OPCML: variants seen among roughly 807,000 people sequenced by gnomAD.
OPCML encodes opioid binding protein/cell adhesion molecule like, also known as opioid-binding protein/cell adhesion molecule.
OPCML carries 13 observed loss-of-function variants against 37.8 expected under a neutral mutation model. That is an observed-to-expected ratio of 0.34 (90% CI 0.22 to 0.55). OPCML has a LOEUF of 0.55. Ranked by LOEUF, OPCML falls within the 20% of genes least tolerant of loss-of-function variation. OPCML has a pLI of 0.91. For synonymous variants in OPCML, 176 were observed against 168.8 expected, an observed-to-expected ratio of 1.04 and a Z score of -0.33; for missense variants, 341 against 435.6, an observed-to-expected ratio of 0.78 and a Z score of 1.93.
chr11:132,879,884 T>C (rs760749103), intron 2 of OPCML, among the ~76,000 whole-genome samples: 9 of 152,216 alleles, frequency 5.9e-5, no homozygotes, highest in Non-Finnish European at 1.3e-4. Flanking sequence ...CATACCTTCT[T>C]TATGGTGACT....
chr11:132,885,131 A>G (rs140970713), intron 2 of OPCML, among the ~76,000 whole-genome samples: 3 of 152,370 alleles, frequency 2.0e-5, no homozygotes, highest in African/African-American at 7.2e-5. Flanking sequence ...AATGCCAGGT[A>G]TCTTCATATA....
intron 1 of OPCML, among the ~76,000 whole-genome samples, chr11:133,113,934 T>G (rs1949294127): frequency 6.6e-6 from 1 of 152,202 alleles, no homozygotes; most frequent in Non-Finnish European, 1.5e-5. Context: ...TGCAAGCTTT[T>G]TAGACCACCT....
chr11:133,500,993 G>T (rs926110182), intron 1 of OPCML, among the ~76,000 whole-genome samples: 1 of 152,034 alleles, frequency 6.6e-6, no homozygotes, highest in Non-Finnish European at 1.5e-5. Context: ...CAGGAGGCTT[G>T]GAGCTGAGAC....
At position 133,208,228 on chromosome 11, in the gene OPCML, A is replaced by G. The variant is rs1939191033; in HGVS notation, c.62-265218T>C. Among the ~76,000 whole-genome samples the G allele has an allele frequency of 1.3e-5, 2 of 152,222 alleles. No homozygotes were observed. Among genetic ancestry groups the G allele is most frequent in the African/African-American group, 2.4e-5 (1 of 41,464 alleles). ...ATCTCAAGCATTTAGCTTATTGCTT[A>G]GCACATTGTATTACATTGCATTGCA... is the stretch of plus-strand genomic sequence containing the variant. On this transcript the variant is annotated intron_variant, in intron 1 of 7. Coordinates refer to ENST00000524381, the MANE Select transcript of OPCML (RefSeq NM_001012393.5). The surrounding 1 kb of genome is among the most constrained non-coding windows in gnomAD (Gnocchi z 8.9).
At chr11:132,784,805 ATACC>A (rs1396534252) in intron 2 of OPCML, among the ~76,000 whole-genome samples, 2 of 152,104 alleles carry the variant, frequency 1.3e-5, no homozygotes, top group Non-Finnish European at 2.9e-5. Flanking sequence ...GCCATGTAAT[ATACC>A]TGCTCCTCCT....
chr11:132,553,732 G>A (rs946120250), intron 3 of OPCML, among the ~76,000 whole-genome samples: 6 of 152,156 alleles, frequency 3.9e-5, no homozygotes, highest in East Asian at 1.9e-4. Flanking sequence ...TCACTCATTC[G>A]GAACATCTCA....
Position 133,252,924 on chromosome 11 carries a change from G to A in OPCML, c.61+279340C>T, listed in dbSNP as rs1592142799. ...GCACTTTGGGAGGCCAAGGCGGGTG[G>A]ATCACAAGGTCGAGAGTTCGAGACC... On this transcript the variant is annotated intron_variant, in intron 1 of 7. Transcript: ENST00000524381. Among the ~76,000 whole-genome samples the A allele has an allele frequency of 2.6e-5, 4 of 152,086 alleles. No homozygotes were observed. In the East Asian group the frequency reaches 7.7e-4, roughly 29 times the overall value.
intron 1 of OPCML, among the ~76,000 whole-genome samples, chr11:133,117,252 C>T (rs565700508): frequency 7.9e-5 from 12 of 152,306 alleles, no homozygotes; most frequent in African/African-American, 2.9e-4. Context: ...GTTCATCCTG[C>T]AGACCCTAGA....
At position 133,002,571 on chromosome 11, in the gene OPCML, A is replaced by G. The variant is rs533285918; in HGVS notation, c.62-59561T>C. On this transcript the variant is annotated intron_variant, in intron 1 of 7. Coordinates refer to ENST00000524381, the MANE Select transcript of OPCML (RefSeq NM_001012393.5). ...GTGTGCCCACAGGGGTAGCATGAGGATTAATAAATACAATGATGGATATAA... is the reference window on the plus strand; with the variant it reads ...GTGTGCCCACAGGGGTAGCATGAGGGTTAATAAATACAATGATGGATATAA... 7.2e-5 allele frequency among the ~76,000 whole-genome samples: 11 copies of G among 152,324 alleles called. 1 individual carries two copies. Among genetic ancestry groups the G allele is most frequent in the African/African-American group, 2.6e-4 (11 of 41,564 alleles).
chr11:132,911,140 A>G (rs1007957719), intron 2 of OPCML, among the ~76,000 whole-genome samples: 1 of 152,242 alleles, frequency 6.6e-6, no homozygotes, highest in African/African-American at 2.4e-5. Context: ...CAGTCCTTGC[A>G]AAAGTCTGCG....
At chr11:133,257,807 G>A (rs181921500) in intron 1 of OPCML, among the ~76,000 whole-genome samples, 12 of 151,552 alleles carry the variant, frequency 7.9e-5, no homozygotes, top group Non-Finnish European at 1.3e-4. Flanking sequence ...TATGCCAGAT[G>A]CCCTATTCCT....
chr11:132,555,936 A>C (rs12422127), intron 3 of OPCML, among the ~76,000 whole-genome samples: 1,701 of 151,764 alleles, frequency 0.011, 23 homozygotes, highest in Non-Finnish European at 0.016. Context: ...TGTTTCAATA[A>C]AAATTTTGGA....
intron 1 of OPCML, among the ~76,000 whole-genome samples, chr11:133,461,935 A>C (rs1311906950): frequency 6.6e-6 from 1 of 152,010 alleles, no homozygotes; most frequent in African/African-American, 2.4e-5. Context: ...ACAGACGTTT[A>C]AACCAACGGA....
chr11:132,745,836 G>T (rs909266222), intron 2 of OPCML, among the ~76,000 whole-genome samples: 1 of 152,280 alleles, frequency 6.6e-6, no homozygotes, highest in East Asian at 1.9e-4. Context: ...CTGGGATAGA[G>T]TGGCACTCAG....
At chr11:133,506,568 C>T (rs1948035705) in intron 1 of OPCML, among the ~76,000 whole-genome samples, 1 of 152,138 alleles carries the variant, frequency 6.6e-6, no homozygotes, top group Admixed American at 6.6e-5. Context: ...ATTAGCAACA[C>T]TATTTTATTA....
At chr11:132,834,988 TA>T (rs11300115) in intron 2 of OPCML, among the ~76,000 whole-genome samples, 83,043 of 142,802 alleles carry the variant, frequency 0.58, 24,431 homozygotes, top group African/African-American at 0.74. Flanking sequence ...TGGCACTTTG[TA>T]AAAAAAAAAA....
intron 2 of OPCML, among the ~76,000 whole-genome samples, chr11:132,875,428 T>C (rs998503255): frequency 1.3e-5 from 2 of 152,116 alleles, no homozygotes; most frequent in African/African-American, 4.8e-5. Flanking sequence ...CGTTCATCCA[T>C]GTATCCATCC....
chr11:132,977,394 T>C (rs187247803), intron 1 of OPCML, among the ~76,000 whole-genome samples: 1 of 152,244 alleles, frequency 6.6e-6, no homozygotes, highest in African/African-American at 2.4e-5. Context: ...CTAAATAATA[T>C]CCCAAAATAC....
intron 4 of OPCML, among the ~76,000 whole-genome samples, chr11:132,484,920 G>C (rs2096194465): frequency 6.6e-6 from 1 of 152,206 alleles, no homozygotes; most frequent in Non-Finnish European, 1.5e-5. Context: ...GCCTGTTGTG[G>C]GGTGCGAGGA....
Sources: allele counts gnomAD v4.1 joint callset (sites outside exome capture counted in the v4.1 genomes callset), GRCh38; gene constraint gnomAD v4.1.1; non-coding constraint Gnocchi (gnomAD v3.1); transcripts MANE v1.5; gene names NCBI Gene and HGNC (gene_info 2026-07-23, HGNC 2026-07-21).